NRIP1: variants seen among roughly 807,000 people sequenced by gnomAD.
NRIP1 encodes the protein nuclear receptor-interacting protein 1.
In NRIP1, 28 loss-of-function variants were observed where a neutral mutation model predicts 75.0. The ratio of observed to expected loss-of-function variants is 0.37; its 90% CI spans 0.28 to 0.51. NRIP1 has a LOEUF of 0.51. NRIP1 is among the 20% of genes least tolerant of loss of function. The probability of loss-of-function intolerance (pLI) is 0.92; values close to 1 mark genes in which losing one functional copy is unlikely to be tolerated. For missense variants in NRIP1, 1,435 were observed against 1,343.7 expected, an observed-to-expected ratio of 1.07 and a Z score of -1.06; for synonymous variants, 526 against 487.6, an observed-to-expected ratio of 1.08 and a Z score of -1.04.
intron 2 of NRIP1, among the ~76,000 whole-genome samples, chr21:15,016,417 T>C (rs1302306145): frequency 6.6e-6 from 1 of 152,154 alleles, no homozygotes; most frequent in Non-Finnish European, 1.5e-5. Context: ...CAATCCCCAG[T>C]CTCTGAAGTA....
At chr21:14,980,468 G>A (rs955354934) in intron 3 of NRIP1, among the ~76,000 whole-genome samples, 2 of 151,346 alleles carry the variant, frequency 1.3e-5, no homozygotes, top group African/African-American at 2.4e-5. Flanking sequence ...GCGAGACTCC[G>A]TATCAAAATA....
Position 14,998,561 on chromosome 21 carries a change from C to A in NRIP1, c.-335+15783G>T, listed in dbSNP as rs538010428. Among the ~76,000 whole-genome samples the A allele has an allele frequency of 3.3e-5, 5 of 152,286 alleles. No homozygotes were observed. In the East Asian group the frequency reaches 7.7e-4, roughly 24 times the overall value. On this transcript the variant is annotated intron_variant, in intron 3 of 3. Transcript: ENST00000318948. ...TGTTTGTGATGTGCTACAGTTGACCCTTGAACAACGCTGGCTTGCACCGTG... is the reference window on the plus strand; with the variant it reads ...TGTTTGTGATGTGCTACAGTTGACCATTGAACAACGCTGGCTTGCACCGTG...
chr21:15,019,554 T>C, intron 2 of NRIP1, among the ~76,000 whole-genome samples: 1 of 138,940 alleles, frequency 7.2e-6, no homozygotes, highest in East Asian at 2.4e-4. Context: ...AATGATGCAG[T>C]CTTGGCTCAC....
At chr21:15,009,808 C>T (rs1234254058) in intron 3 of NRIP1, among the ~76,000 whole-genome samples, 3 of 152,026 alleles carry the variant, frequency 2.0e-5, no homozygotes, top group Non-Finnish European at 4.4e-5. Flanking sequence ...AAGATGTGGA[C>T]TTAGATTTTG....
intron 1 of NRIP1, among the ~76,000 whole-genome samples, chr21:15,055,539 A>G (rs2089287592): frequency 6.6e-6 from 1 of 152,204 alleles, no homozygotes; most frequent in Non-Finnish European, 1.5e-5. Context: ...AACAAAAGTG[A>G]TGCAGCCAGC....
chr21:14,972,359 C>T lies in NRIP1; in HGVS notation c.-334-3833G>A, dbSNP rs368517724. On this transcript the variant is annotated intron_variant, in intron 3 of 3. Coordinates refer to ENST00000318948, the MANE Select transcript of NRIP1 (RefSeq NM_003489.4). The stretch of plus-strand genomic sequence containing the variant: ...TATAGCAAAAAAAGAAAATGAGGCA[C>T]GATACTAAATAGTACAGCTTGTTGG... Among the ~76,000 whole-genome samples, 10 of 152,142 alleles carry T rather than the reference C, an allele frequency of 6.6e-5. No individual in the cohort carries two copies. The East Asian group carries it at 9.6e-4, about 15-fold the overall frequency.
At position 14,965,046 on chromosome 21, in the gene NRIP1, C is replaced by T. The variant is rs750298287; in HGVS notation, c.3147G>A (p.Ala1049=). 78 of 1,613,846 alleles carry T rather than the reference C, an allele frequency of 4.8e-5. No individual in the cohort carries two copies. The highest frequency in any genetic ancestry group is 6.1e-5 in the Non-Finnish European group (72 of 1,179,880). The stretch of plus-strand genomic sequence containing the variant: ...AGTCTTTTTCATACTCATTCTTCTC[C>T]GCATCAGTGATAACCCACTTAATGG... The part of the protein sequence containing the change: ...KGPIKWVITD[A]EKNEYEKDSP... Residue 1049 remains alanine (A), a synonymous_variant, in exon 4 of 4, where the codon GCG becomes GCA. Transcript: ENST00000318948.
rs184227518 is a variant in NRIP1, at chr21:15,045,214, C to T, written c.-537-1640G>A. Among the ~76,000 whole-genome samples, 230 of 152,138 alleles carry T rather than the reference C, an allele frequency of 1.5e-3. 1 individual carries two copies. The highest frequency in any genetic ancestry group is 4.8e-3 in the African/African-American group (200 of 41,482). On this transcript the variant is annotated intron_variant, in intron 1 of 3. Coordinates refer to ENST00000318948, the MANE Select transcript of NRIP1 (RefSeq NM_003489.4). Reference sequence around the variant, plus strand: ...CCCAGATGAGTTGGGACTCTAGTGTCGCTGTCTGACGTCCTATACCAACCA... The same window carrying T: ...CCCAGATGAGTTGGGACTCTAGTGTTGCTGTCTGACGTCCTATACCAACCA...
At chr21:15,050,741 G>C (rs1307519391) in intron 1 of NRIP1, 2 of 456,054 alleles carry the variant, frequency 4.4e-6, no homozygotes, top group Admixed American at 4.7e-5. Context: ...TGGCTGGGAA[G>C]AGATTGCCCC....
intron 3 of NRIP1, among the ~76,000 whole-genome samples, chr21:14,989,628 C>G (rs1377944419): frequency 2.0e-5 from 3 of 152,186 alleles, no homozygotes; most frequent in Non-Finnish European, 4.4e-5. Context: ...CTGTGTGAAA[C>G]TTAACTGATG....
At chr21:14,977,080 G>A (rs1462833388) in intron 3 of NRIP1, among the ~76,000 whole-genome samples, 3 of 152,082 alleles carry the variant, frequency 2.0e-5, no homozygotes, top group Non-Finnish European at 4.4e-5. Flanking sequence ...TAATCAAAGG[G>A]CTACTTAATT....
At chr21:14,971,905 TAAGTC>T (rs2086911059) in intron 3 of NRIP1, among the ~76,000 whole-genome samples, 1 of 152,222 alleles carries the variant, frequency 6.6e-6, no homozygotes, top group Non-Finnish European at 1.5e-5. Context: ...CAAAATATTC[TAAGTC>T]AAGGCAGTTA....
intron 3 of NRIP1, among the ~76,000 whole-genome samples, chr21:15,006,562 T>C (rs1394218831): frequency 1.2e-4 from 19 of 152,230 alleles, no homozygotes; most frequent in Admixed American, 1.2e-3. Flanking sequence ...ATAAGGTATG[T>C]CATGATTAGT....
chr21:15,038,547 CAT>C (rs2088883607), intron 2 of NRIP1, among the ~76,000 whole-genome samples: 1 of 151,888 alleles, frequency 6.6e-6, no homozygotes, highest in Non-Finnish European at 1.5e-5. Context: ...GAAAAAAACA[CAT>C]ATTTATACCT....
chr21:15,003,649 C>G (rs2087898533), intron 3 of NRIP1, among the ~76,000 whole-genome samples: 2 of 152,168 alleles, frequency 1.3e-5, no homozygotes, highest in Non-Finnish European at 2.9e-5. Flanking sequence ...TATAATCCAC[C>G]ACCATTTGTC....
intron 3 of NRIP1, among the ~76,000 whole-genome samples, chr21:14,999,862 T>G (rs2087812622): frequency 6.6e-6 from 1 of 152,208 alleles, no homozygotes; most frequent in Admixed American, 6.5e-5. Flanking sequence ...ATGTCAAATG[T>G]TTGTTTTCTC....
At position 14,967,076 on chromosome 21, in the gene NRIP1, G is replaced by C; in HGVS notation, c.1117C>G (p.Gln373Glu). 1 of 1,614,022 alleles carries C rather than the reference G, an allele frequency of 6.2e-7. No homozygotes were observed. The highest frequency in any genetic ancestry group is 8.5e-7 in the Non-Finnish European group (1 of 1,179,984). ...AAAAGCAAACTATTGTTAGCAGCTT[G>C]TTTTATATTGTTTCTTTCCAGTGAG... is the stretch of plus-strand genomic sequence containing the variant. The part of the protein sequence containing the change: ...KNSLERNNIK[Q>E]AANNSLLLHL... The change falls in exon 4 of 4, where the codon CAA (glutamine) becomes GAA (glutamate). Residue 373 changes from glutamine to glutamate, a missense_variant. Physicochemically the swap from Gln to Glu is conservative, Grantham distance 29 (BLOSUM62 2). Transcript: ENST00000318948.
At chr21:14,988,332 A>T (rs1019582044) in intron 3 of NRIP1, 4 of 152,174 alleles carry the variant, frequency 2.6e-5, no homozygotes, top group African/African-American at 9.7e-5. Flanking sequence ...ACAAAGCTTC[A>T]GCCCAGAGAA....
intron 3 of NRIP1, among the ~76,000 whole-genome samples, chr21:14,972,610 T>C (rs1452928045): frequency 1.3e-5 from 2 of 152,210 alleles, no homozygotes; most frequent in East Asian, 3.8e-4. Context: ...TATATTTAGT[T>C]ACCAATACCT....
Sources: gnomAD v4.1 joint callset for allele counts (sites outside exome capture counted in the v4.1 genomes callset) on GRCh38, gnomAD v4.1.1 for gene constraint, MANE v1.5 for transcripts, NCBI Gene and HGNC (gene_info 2026-07-23, HGNC 2026-07-21) for gene names.